Variants in SPTLC2 observed in about 807,000 individuals in gnomAD.
SPTLC2 encodes the protein serine palmitoyltransferase long chain base subunit 2, also known as serine palmitoyltransferase 2.
A neutral mutation model predicts 62.0 loss-of-function variants in SPTLC2; 21 were observed. The observed-to-expected ratio is 0.34, with a 90% CI of 0.24 to 0.49. The LOEUF (loss-of-function observed/expected upper bound fraction) is 0.49. Among genes scored for constraint, SPTLC2 ranks in the 20% least tolerant of loss-of-function variants. The pLI is 0.99. For missense variants in SPTLC2, 511 were observed against 713.0 expected (o/e 0.72, Z 3.23); for synonymous variants, 261 against 261.8 (o/e 1.00, Z 0.03).
intron 2 of SPTLC2, among the ~76,000 whole-genome samples, chr14:77,593,257 T>TTA (rs1452967095): frequency 7.2e-5 from 11 of 152,244 alleles, no homozygotes; most frequent in Admixed American, 5.9e-4. Flanking sequence ...AATTTACTCC[T>TTA]TACGTTCCTA....
At chr14:77,610,532 C>T (rs916578304) in intron 1 of SPTLC2, among the ~76,000 whole-genome samples, 4 of 152,182 alleles carry the variant, frequency 2.6e-5, no homozygotes, top group African/African-American at 9.7e-5. Context: ...GCAATCCTTA[C>T]ACCTTGGCTT....
At chr14:77,560,302 T>A (rs1012637588) in intron 6 of SPTLC2, among the ~76,000 whole-genome samples, 1 of 152,102 alleles carries the variant, frequency 6.6e-6, no homozygotes, top group East Asian at 1.9e-4. Context: ...ATTAAAAAAA[T>A]GTGGGCCAGG....
At chr14:77,586,146 ACTCACTGCAACATTCGCCTC>A (rs1159581765) in intron 2 of SPTLC2, among the ~76,000 whole-genome samples, 1 of 148,912 alleles carries the variant, frequency 6.7e-6, no homozygotes, top group Non-Finnish European at 1.5e-5. Context: ...CGCAATCTAG[ACTCACTGCAACATTCGCCTC>A]CTGGGTTCAA....
At chr14:77,571,451 G>A (rs1566783882) in intron 4 of SPTLC2, among the ~76,000 whole-genome samples, 1 of 150,232 alleles carries the variant, frequency 6.7e-6, no homozygotes, top group African/African-American at 2.5e-5. Context: ...AGAGGTTGCA[G>A]TGAGCTGAGA....
At chr14:77,612,827 C>T (rs2079945178) in intron 1 of SPTLC2, among the ~76,000 whole-genome samples, 1 of 152,150 alleles carries the variant, frequency 6.6e-6, no homozygotes, top group South Asian at 2.1e-4. Context: ...GCCCCAATTC[C>T]TTGAGATAGA....
At chr14:77,546,799 G>A (rs115803048) in intron 9 of SPTLC2, among the ~76,000 whole-genome samples, 3,426 of 151,876 alleles carry the variant, frequency 0.023, 108 homozygotes, top group African/African-American at 0.078. Flanking sequence ...GTAATGGCGC[G>A]ATCTCAGCTC....
rs1467946968 is a variant in SPTLC2, at chr14:77,506,332, CT to C, written c.*5951del. The C allele has an allele frequency of 6.6e-6, 1 of 152,186 alleles. No homozygotes were observed. Among genetic ancestry groups the C allele is most frequent in the Non-Finnish European group, 1.5e-5 (1 of 68,018 alleles). 9.4% of individuals were successfully genotyped at this position (152,186 alleles called of 1,614,324 possible). A position where few individuals can be genotyped will look rare whatever the true frequency, so the allele number is the denominator to read the frequency against. Reference sequence around the variant, plus strand: ...AAAGGGGTTATCATCACAGCATCCCCTTGCAAATTCCAGTTTACAGGTAACT... The same window carrying C: ...AAAGGGGTTATCATCACAGCATCCCCTGCAAATTCCAGTTTACAGGTAACT... On this transcript the variant is annotated 3_prime_UTR_variant, in exon 12 of 12. Transcript: ENST00000216484.
rs182792957 is a variant in SPTLC2, at chr14:77,607,424, C to G, written c.132+9024G>C. Among the ~76,000 whole-genome samples the G allele has an allele frequency of 2.1e-3, 326 of 152,302 alleles. 3 individuals are homozygous for G. The highest frequency in any genetic ancestry group is 7.5e-3 in the African/African-American group (313 of 41,564). ...AAGTAATTACTTTCAATGTCAAAAA[C>G]CGCAATTACTTTTCCACCAATCAAT... is the stretch of plus-strand genomic sequence containing the variant. On this transcript the variant is annotated intron_variant, in intron 1 of 11. Transcript: ENST00000216484.
At chr14:77,606,519 T>G (rs2079906366) in intron 1 of SPTLC2, among the ~76,000 whole-genome samples, 1 of 152,048 alleles carries the variant, frequency 6.6e-6, no homozygotes, top group African/African-American at 2.4e-5. Flanking sequence ...GAAGTGGAGA[T>G]TTCTCATGTT....
At chr14:77,566,177 T>C (rs916703471) in intron 5 of SPTLC2, among the ~76,000 whole-genome samples, 3 of 106,068 alleles carry the variant, frequency 2.8e-5, no homozygotes, top group Non-Finnish European at 4.2e-5. Flanking sequence ...GAACTCTTTT[T>C]AGACAGCCTT....
chr14:77,573,463 T>C (rs564128857), intron 4 of SPTLC2, among the ~76,000 whole-genome samples: 75 of 151,420 alleles, frequency 5.0e-4, no homozygotes, highest in African/African-American at 1.7e-3. Flanking sequence ...AATGTACAAA[T>C]GTTATGTATC....
chr14:77,570,604 T>C lies in SPTLC2; in HGVS notation c.632-96A>G, dbSNP rs1373358565. The C allele has an allele frequency of 1.2e-5, 17 of 1,468,540 alleles. No homozygotes were observed. The East Asian group carries it at 3.4e-4, about 30-fold the overall frequency. 91.0% of individuals were successfully genotyped at this position (1,468,540 alleles called of 1,614,324 possible). The stretch of plus-strand genomic sequence containing the variant: ...AAGAAATCATAGTATATGTGTTGTG[T>C]CCTTTTCAGACTAAGATCTATGAAG... On this transcript the variant is annotated intron_variant, in intron 4 of 11. Coordinates refer to ENST00000216484, the MANE Select transcript of SPTLC2 (RefSeq NM_004863.4).
intron 2 of SPTLC2, among the ~76,000 whole-genome samples, chr14:77,589,815 A>ACACG (rs1262253333): frequency 2.0e-5 from 3 of 151,618 alleles, no homozygotes; most frequent in African/African-American, 7.3e-5. Context: ...ACACACACAC[A>ACACG]CAAATACAAA....
chr14:77,552,454 A>G (rs1390110569), intron 8 of SPTLC2, among the ~76,000 whole-genome samples: 1 of 152,230 alleles, frequency 6.6e-6, no homozygotes, highest in African/African-American at 2.4e-5. Context: ...ATGGAACAAC[A>G]TAAGAGAAAA....
At chr14:77,525,886 C>G (rs1047831758) in intron 9 of SPTLC2, among the ~76,000 whole-genome samples, 3 of 44,944 alleles carry the variant, frequency 6.7e-5, no homozygotes, top group African/African-American at 1.9e-4. Context: ...TGCACTCCAG[C>G]CTGGGTGACA....
intron 9 of SPTLC2, among the ~76,000 whole-genome samples, chr14:77,542,052 C>T (rs114976424): frequency 0.023 from 3,292 of 141,326 alleles, 107 homozygotes; most frequent in African/African-American, 0.085. Flanking sequence ...GTGAGACAGA[C>T]TCTGTGTCCG....
At chr14:77,610,645 T>A (rs953402908) in intron 1 of SPTLC2, among the ~76,000 whole-genome samples, 1 of 152,092 alleles carries the variant, frequency 6.6e-6, no homozygotes, top group African/African-American at 2.4e-5. Flanking sequence ...TACAACCGCA[T>A]ATTTCACTGT....
intron 9 of SPTLC2, among the ~76,000 whole-genome samples, chr14:77,534,136 C>A (rs535925887): frequency 2.6e-4 from 40 of 151,260 alleles, no homozygotes; most frequent in African/African-American, 9.2e-4. Flanking sequence ...ACAGCCTGGA[C>A]AACAGAATGA....
chr14:77,522,306 G>A (rs2079388582), intron 9 of SPTLC2, among the ~76,000 whole-genome samples: 1 of 152,072 alleles, frequency 6.6e-6, no homozygotes, highest in South Asian at 2.1e-4. Context: ...GGGGTTACGG[G>A]TGCACATCAC....
Sources: allele counts gnomAD v4.1 joint callset (sites outside exome capture counted in the v4.1 genomes callset), GRCh38; gene constraint gnomAD v4.1.1; transcripts MANE v1.5; gene names NCBI Gene and HGNC (gene_info 2026-07-23, HGNC 2026-07-21).